GALNTL6: variants seen among roughly 807,000 people sequenced by gnomAD.
GALNTL6 encodes the protein polypeptide N-acetylgalactosaminyltransferase like 6.
GALNTL6 carries 46 observed loss-of-function variants against 73.7 expected under a neutral mutation model. The observed-to-expected ratio is 0.62, with a 90% CI of 0.49 to 0.80. The LOEUF is 0.80. Among genes scored for constraint, GALNTL6 ranks in the 30% least tolerant of loss-of-function variants. GALNTL6 has a pLI of 0.00. For synonymous variants in GALNTL6, 259 were observed against 263.7 expected, an observed-to-expected ratio of 0.98 and a Z score of 0.17; for missense variants, 604 against 755.0, an observed-to-expected ratio of 0.80 and a Z score of 2.34.
intron 2 of GALNTL6, among the ~76,000 whole-genome samples, chr4:172,135,413 GAGAGAGAGAGAGAGAA>G (rs923210623): frequency 2.5e-4 from 12 of 48,224 alleles, no homozygotes; most frequent in Non-Finnish European, 4.8e-4. Context: ...GAAAAAGAGA[GAGAGAGAGAGAGAGAA>G]AGAGAGAGAG....
At chr4:172,089,712 G>T (rs113244954) in intron 2 of GALNTL6, among the ~76,000 whole-genome samples, 7,589 of 152,048 alleles carry the variant, frequency 0.05, 586 homozygotes, top group African/African-American at 0.17. Context: ...TTATTTATTT[G>T]TAATTATACT....
chr4:172,167,734 G>A (rs1734672980), intron 2 of GALNTL6, among the ~76,000 whole-genome samples: 1 of 151,326 alleles, frequency 6.6e-6, no homozygotes, highest in Non-Finnish European at 1.5e-5. Flanking sequence ...CGAGGCGGGT[G>A]GATCATGAGG....
intron 2 of GALNTL6, among the ~76,000 whole-genome samples, chr4:172,057,886 C>T (rs1021985290): frequency 6.6e-6 from 1 of 151,416 alleles, no homozygotes; most frequent in East Asian, 1.9e-4. Context: ...TATGTGGATA[C>T]ACACTTATGA....
At position 172,375,373 on chromosome 4, in the gene GALNTL6, C is replaced by T. The variant is rs112841855; in HGVS notation, c.553+26684C>T. Among the ~76,000 whole-genome samples the T allele has an allele frequency of 4.2e-3, 635 of 152,230 alleles. 2 individuals are homozygous for T. Among genetic ancestry groups the T allele is most frequent in the Non-Finnish European group, 4.9e-3 (336 of 67,996 alleles). ...AGCCATAGTGCAGAAAAAAATGAGCCGCCTCTTTCTCAGGGTTTGTGGGTC... is the reference window on the plus strand; with the variant it reads ...AGCCATAGTGCAGAAAAAAATGAGCTGCCTCTTTCTCAGGGTTTGTGGGTC... On this transcript the variant is annotated intron_variant, in intron 5 of 12. Transcript: ENST00000506823.
chr4:172,151,219 T>A (rs1214388384), intron 2 of GALNTL6, among the ~76,000 whole-genome samples: 3 of 152,024 alleles, frequency 2.0e-5, no homozygotes, highest in Non-Finnish European at 4.4e-5. Context: ...AGAAATAAAG[T>A]CATGAAAAAG....
intron 3 of GALNTL6, among the ~76,000 whole-genome samples, chr4:172,243,383 T>C (rs1382010470): frequency 6.6e-6 from 1 of 152,182 alleles, no homozygotes; most frequent in African/African-American, 2.4e-5. Context: ...AATATCTTCC[T>C]ATCTATATTT....
At chr4:171,943,135 A>G (rs1385127159) in intron 2 of GALNTL6, among the ~76,000 whole-genome samples, 1 of 152,230 alleles carries the variant, frequency 6.6e-6, no homozygotes, top group African/African-American at 2.4e-5. Flanking sequence ...TCAAACAAAC[A>G]AAAACAATGG....
At chr4:172,046,720 T>C (rs1742232173) in intron 2 of GALNTL6, among the ~76,000 whole-genome samples, 1 of 152,260 alleles carries the variant, frequency 6.6e-6, no homozygotes, top group Non-Finnish European at 1.5e-5. Flanking sequence ...ATTGTGTTTC[T>C]TGTTTCTTTG....
chr4:172,172,972 G>C (rs771015393), intron 2 of GALNTL6, among the ~76,000 whole-genome samples: 1 of 152,230 alleles, frequency 6.6e-6, no homozygotes, highest in Non-Finnish European at 1.5e-5. Flanking sequence ...GGGAGGTCAA[G>C]TTCTCATCCA....
At chr4:171,905,480 C>A (rs1254578923) in intron 2 of GALNTL6, among the ~76,000 whole-genome samples, 3 of 150,806 alleles carry the variant, frequency 2.0e-5, no homozygotes, top group South Asian at 2.1e-4. Flanking sequence ...CAGGAGCACC[C>A]AGATTCATAA....
intron 2 of GALNTL6, among the ~76,000 whole-genome samples, chr4:171,866,290 C>T (rs961936834): frequency 9.9e-5 from 15 of 151,788 alleles, no homozygotes; most frequent in Non-Finnish European, 2.2e-4. Context: ...GTTTATTTTT[C>T]TTTAATTTTT....
chr4:172,252,809 G>A (rs1416790566), intron 3 of GALNTL6, among the ~76,000 whole-genome samples: 1 of 151,792 alleles, frequency 6.6e-6, no homozygotes, highest in Non-Finnish European at 1.5e-5. Context: ...GAAGTCCTTG[G>A]TACCTTACGT....
At chr4:172,228,848 T>C (rs1243092665) in intron 2 of GALNTL6, among the ~76,000 whole-genome samples, 1 of 152,222 alleles carries the variant, frequency 6.6e-6, no homozygotes, top group Non-Finnish European at 1.5e-5. Flanking sequence ...GCTTCAGCAA[T>C]GTACACAGAA....
At position 172,436,125 on chromosome 4, in the gene GALNTL6, A is replaced by G. The variant is rs556456555; in HGVS notation, c.553+87436A>G. Among the ~76,000 whole-genome samples, 18 of 152,056 alleles carry G rather than the reference A, an allele frequency of 1.2e-4. 1 individual carries two copies. The highest frequency in any genetic ancestry group is 2.2e-4 in the Non-Finnish European group (15 of 68,026). On this transcript the variant is annotated intron_variant, in intron 5 of 12. Transcript: ENST00000506823. The stretch of plus-strand genomic sequence containing the variant: ...GGACGTACATGACAATCTCTTTCTT[A>G]TGTCTCTACAGTTAATAATACGTTT...
At chr4:172,840,765 A>G (rs12499757) in intron 7 of GALNTL6, among the ~76,000 whole-genome samples, 78,138 of 152,016 alleles carry the variant, frequency 0.51, 24,520 homozygotes, top group Non-Finnish European at 0.7. Flanking sequence ...AGAGACAAAG[A>G]TATGTGCTAT....
At chr4:172,806,531 G>A in intron 5 of GALNTL6, among the ~76,000 whole-genome samples, 1 of 152,160 alleles carries the variant, frequency 6.6e-6, no homozygotes, top group East Asian at 1.9e-4. Flanking sequence ...TCTCACTTTG[G>A]AAGACCTGGG....
intron 5 of GALNTL6, among the ~76,000 whole-genome samples, chr4:172,732,774 G>A (rs1736229304): frequency 6.6e-6 from 1 of 152,018 alleles, no homozygotes; most frequent in South Asian, 2.1e-4. Context: ...AAGGGATGGT[G>A]ACTTATCTTA....
intron 2 of GALNTL6, among the ~76,000 whole-genome samples, chr4:171,932,404 A>G (rs1738212093): frequency 1.3e-5 from 2 of 152,340 alleles, no homozygotes; most frequent in East Asian, 1.9e-4. Flanking sequence ...TAAAAAAATA[A>G]AAGATTATTG....
intron 2 of GALNTL6, among the ~76,000 whole-genome samples, chr4:172,222,838 T>G (rs1435064983): frequency 6.6e-6 from 1 of 151,984 alleles, no homozygotes; most frequent in Non-Finnish European, 1.5e-5. Context: ...TAAGAGACAA[T>G]GCCATCAATT....
Sources: allele counts gnomAD v4.1 joint callset (sites outside exome capture counted in the v4.1 genomes callset), GRCh38; gene constraint gnomAD v4.1.1; transcripts MANE v1.5; gene names NCBI Gene and HGNC (gene_info 2026-07-23, HGNC 2026-07-21).